The following ARID4B variants were observed in gnomAD, a reference collection of about 807,000 sequenced individuals.
ARID4B encodes AT-rich interactive domain-containing protein 4B.
A neutral mutation model predicts 147.5 loss-of-function variants in ARID4B; 26 were observed. The ratio of observed to expected loss-of-function variants is 0.18; its 90% confidence interval spans 0.13 to 0.24. The LOEUF (loss-of-function observed/expected upper bound fraction) is 0.24, where lower values mean the gene tolerates loss of function less well. Ranked by LOEUF, ARID4B falls within the 10% of genes least tolerant of loss-of-function variation. ARID4B has a pLI of 1.00. For synonymous variants in ARID4B, 512 were observed against 507.9 expected (o/e 1.01, Z -0.11); for missense variants, 1,179 against 1,511.5 (o/e 0.78, Z 3.65).
chr1:235,220,621 T>A (rs1667397940), intron 14 of ARID4B, 76 bp from the exon 15 acceptor site: 3 of 1,145,638 alleles, frequency 2.6e-6, no homozygotes, highest in Non-Finnish European at 3.5e-6. Context: ...TAATGTGTAT[T>A]CATTTCTTTT....
chr1:235,313,359 T>C (rs1293118088), intron 2 of ARID4B, among the ~76,000 whole-genome samples: 6 of 151,870 alleles, frequency 4.0e-5, no homozygotes, highest in Non-Finnish European at 8.8e-5. Flanking sequence ...TATTCTGAAA[T>C]AGACATAAGC....
chr1:235,191,251 TATTTTA>T (rs753573221), intron 19 of ARID4B, among the ~76,000 whole-genome samples: 4 of 150,166 alleles, frequency 2.7e-5, no homozygotes, highest in South Asian at 2.1e-4. Context: ...ATATTCTTTT[TATTTTA>T]TTTTTTTTAA....
chr1:235,248,738 A>G (rs1253833752), intron 6 of ARID4B, among the ~76,000 whole-genome samples: 1 of 152,228 alleles, frequency 6.6e-6, no homozygotes. Context: ...AGTACATAAC[A>G]AGAAGAAACA....
chr1:235,267,107 G>A (rs770010467), intron 2 of ARID4B, among the ~76,000 whole-genome samples: 21 of 152,126 alleles, frequency 1.4e-4, no homozygotes, highest in Non-Finnish European at 2.4e-4. Context: ...GTGAAACCCC[G>A]TCTCTACCAG....
At chr1:235,259,757 T>C (rs1219044630) in intron 3 of ARID4B, among the ~76,000 whole-genome samples, 1 of 152,024 alleles carries the variant, frequency 6.6e-6, no homozygotes, top group Non-Finnish European at 1.5e-5. Context: ...TTTCAACACA[T>C]CCATGCATAA....
intron 1 of ARID4B, chr1:235,327,368 C>G (rs934130229): frequency 6.5e-6 from 1 of 152,864 alleles, no homozygotes; most frequent in African/African-American, 2.4e-5. Flanking sequence ...CGGGGGCCAC[C>G]GAGGGGCCAG....
intron 2 of ARID4B, among the ~76,000 whole-genome samples, chr1:235,308,609 C>T (rs1353862014): frequency 5.3e-5 from 8 of 152,062 alleles, no homozygotes; most frequent in African/African-American, 9.7e-5. Context: ...CGAGTGCCCG[C>T]GATTGCAGGT....
At chr1:235,179,401 T>C (rs1229825212) in intron 20 of ARID4B, among the ~76,000 whole-genome samples, 1 of 151,554 alleles carries the variant, frequency 6.6e-6, no homozygotes, top group East Asian at 1.9e-4. Flanking sequence ...AGCCGGGCGT[T>C]AATCCCAGAT....
chr1:235,268,863 A>G (rs959763711), intron 2 of ARID4B, among the ~76,000 whole-genome samples: 1 of 152,208 alleles, frequency 6.6e-6, no homozygotes, highest in African/African-American at 2.4e-5. Flanking sequence ...AGAAAAGCAC[A>G]AGAAGAATCT....
At chr1:235,182,854 G>C (rs1664413059) in intron 19 of ARID4B, 61 bp from the exon 20 acceptor site, 2 of 1,493,692 alleles carry the variant, frequency 1.3e-6, no homozygotes, top group East Asian at 4.5e-5. Flanking sequence ...TGTCTTCTAT[G>C]TGCCAGGGAC....
chr1:235,198,871 G>T (rs1036386076), intron 17 of ARID4B, among the ~76,000 whole-genome samples: 5 of 152,176 alleles, frequency 3.3e-5, no homozygotes, highest in African/African-American at 1.2e-4. Context: ...AGGCTGAGGT[G>T]GACAGATCAC....
At chr1:235,245,840 G>A (rs1022920512) in intron 7 of ARID4B, among the ~76,000 whole-genome samples, 5 of 152,110 alleles carry the variant, frequency 3.3e-5, no homozygotes, top group African/African-American at 1.2e-4. Flanking sequence ...AAATTTTATA[G>A]ATAGGAAGTG....
intron 2 of ARID4B, among the ~76,000 whole-genome samples, chr1:235,308,272 TATTG>T (rs1237396222): frequency 4.6e-5 from 2 of 43,706 alleles, no homozygotes; most frequent in Non-Finnish European, 1.0e-4. Flanking sequence ...CTAATTTTTG[TATTG>T]TATTTTTAGT....
chr1:235,264,551 A>T (rs925359215), intron 2 of ARID4B, among the ~76,000 whole-genome samples: 1 of 152,234 alleles, frequency 6.6e-6, no homozygotes, highest in African/African-American at 2.4e-5. Flanking sequence ...GAGTTTTTGT[A>T]GGCTACTGAA....
At chr1:235,308,083 AT>A (rs368457519) in intron 2 of ARID4B, among the ~76,000 whole-genome samples, 4,406 of 102,744 alleles carry the variant, frequency 0.043, 105 homozygotes, top group African/African-American at 0.14. Flanking sequence ...ATTTCTTCTA[AT>A]TTTTTTTTTT....
At chr1:235,215,932 A>G (rs1353769288) in intron 16 of ARID4B, among the ~76,000 whole-genome samples, 2 of 151,954 alleles carry the variant, frequency 1.3e-5, no homozygotes, top group Non-Finnish European at 2.9e-5. Flanking sequence ...TCCTCCACTG[A>G]AAATTTCAGC....
intron 2 of ARID4B, among the ~76,000 whole-genome samples, chr1:235,269,264 C>T (rs1385262163): frequency 6.6e-6 from 1 of 152,168 alleles, no homozygotes; most frequent in Non-Finnish European, 1.5e-5. Flanking sequence ...AGAGAATCAG[C>T]GTTTGGCAAC....
intron 2 of ARID4B, among the ~76,000 whole-genome samples, chr1:235,291,699 T>C (rs1430615057): frequency 1.4e-5 from 2 of 140,912 alleles, no homozygotes; most frequent in African/African-American, 5.5e-5. Flanking sequence ...TACTAAAAAA[T>C]AGCCCGGGTG....
intron 7 of ARID4B, among the ~76,000 whole-genome samples, chr1:235,242,463 C>G (rs75097723): frequency 2.6e-5 from 4 of 152,240 alleles, no homozygotes; most frequent in African/African-American, 7.2e-5. Context: ...ACTTTTTTTA[C>G]TGTCTAATGA....
Sources: allele counts gnomAD v4.1 joint callset (sites outside exome capture counted in the v4.1 genomes callset), GRCh38; gene constraint gnomAD v4.1.1; transcripts MANE v1.5; gene names NCBI Gene and HGNC (gene_info 2026-07-23, HGNC 2026-07-21).